The following DAPK1 variants were observed in gnomAD, a reference collection of about 807,000 sequenced individuals.
DAPK1 encodes the protein death-associated protein kinase 1.
DAPK1 carries 56 observed loss-of-function variants against 144.9 expected under a neutral mutation model. That is an observed-to-expected ratio of 0.39 (90% CI 0.31 to 0.48). The LOEUF (loss-of-function observed/expected upper bound fraction) is 0.48. Ranked by LOEUF, DAPK1 falls within the 20% of genes least tolerant of loss-of-function variation. DAPK1 has a pLI of 0.95. For missense variants in DAPK1, 1,454 were observed against 1,875.4 expected, an observed-to-expected ratio of 0.78 and a Z score of 4.15; for synonymous variants, 690 against 749.0, an observed-to-expected ratio of 0.92 and a Z score of 1.29.
At chr9:87,641,244 C>T (rs975652164) in intron 9 of DAPK1, among the ~76,000 whole-genome samples, 14 of 152,184 alleles carry the variant, frequency 9.2e-5, no homozygotes, top group African/African-American at 3.4e-4. Context: ...TCCACGTGGC[C>T]TTGGGAAGTG....
chr9:87,588,352 G>A (rs1828007539), intron 2 of DAPK1, among the ~76,000 whole-genome samples: 1 of 152,228 alleles, frequency 6.6e-6, no homozygotes, highest in African/African-American at 2.4e-5. Context: ...GAGCTGTGAT[G>A]TCTCTTAAGC....
Position 87,634,219 on chromosome 9 carries a change from A to G in DAPK1, c.285-3724A>G, listed in dbSNP as rs555913141. Among the ~76,000 whole-genome samples the G allele has an allele frequency of 8.3e-4, 126 of 152,312 alleles. 1 individual carries two copies. The South Asian group carries it at 0.025, about 30-fold the overall frequency. On this transcript the variant is annotated intron_variant, in intron 3 of 25. Coordinates refer to ENST00000408954, the MANE Select transcript of DAPK1 (RefSeq NM_004938.4). ...ACAGACTGCAAGGCTGGCAAAGCCT[A>G]AAATATTTAGGATCTGCCCTTGATG...
At chr9:87,504,531 C>T (rs1020512343) in intron 2 of DAPK1, among the ~76,000 whole-genome samples, 3 of 152,146 alleles carry the variant, frequency 2.0e-5, no homozygotes, top group Admixed American at 2.0e-4. Flanking sequence ...CCCCCATGCT[C>T]TTTTACCCTC....
intron 2 of DAPK1, among the ~76,000 whole-genome samples, chr9:87,592,773 C>T (rs913786927): frequency 6.6e-5 from 10 of 152,000 alleles, no homozygotes; most frequent in Non-Finnish European, 7.4e-5. Flanking sequence ...CCGGGAGCTC[C>T]GGTTTCTTTT....
intron 2 of DAPK1, among the ~76,000 whole-genome samples, chr9:87,565,386 C>T (rs1200991371): frequency 6.6e-6 from 1 of 152,176 alleles, no homozygotes; most frequent in African/African-American, 2.4e-5. Flanking sequence ...ATGCAGCTCT[C>T]AGGATCAAAA....
intron 2 of DAPK1, among the ~76,000 whole-genome samples, chr9:87,518,480 C>T: frequency 6.6e-6 from 1 of 151,788 alleles, no homozygotes; most frequent in East Asian, 1.9e-4. Flanking sequence ...AACCCTTTGC[C>T]ATCGTCAATC....
At chr9:87,636,444 G>C (rs528836935) in intron 3 of DAPK1, among the ~76,000 whole-genome samples, 14 of 152,326 alleles carry the variant, frequency 9.2e-5, no homozygotes, top group Middle Eastern at 6.8e-3. Flanking sequence ...TTTTTCAGGT[G>C]CTTGTTAAAG....
At chr9:87,648,718 T>G in intron 14 of DAPK1, 63 bp from the exon 15 acceptor site, 1 of 1,450,294 alleles carries the variant, frequency 6.9e-7, no homozygotes, top group Non-Finnish European at 9.7e-7. Context: ...AGGCCTTGGG[T>G]TCTGGTCTCC....
intron 2 of DAPK1, among the ~76,000 whole-genome samples, chr9:87,537,779 T>C (rs1350508154): frequency 6.6e-6 from 1 of 152,274 alleles, no homozygotes; most frequent in East Asian, 1.9e-4. Context: ...GCTGTGAAGT[T>C]AGAAGAAAAT....
At chr9:87,666,815 AGGTTGAACAGT>A (rs150662875) in intron 18 of DAPK1, among the ~76,000 whole-genome samples, 1,816 of 152,136 alleles carry the variant, frequency 0.012, 40 homozygotes, top group African/African-American at 0.041. Flanking sequence ...GACTTTGAAG[AGGTTGAACAGT>A]GGAGAGTTCA....
rs370599083 is a variant in DAPK1 at position 87,650,129 on chromosome 9, G to C, written c.1626+11G>C. On this transcript the variant is annotated intron_variant, in intron 16 of 25. Transcript: ENST00000408954. ...AATGCTTGCGACAAGGTGCCTTATG[G>C]GGGAAGACTCATATGCACTGGGAAG... 5.6e-6 allele frequency: 9 copies of C among 1,613,600 alleles called. No individual in the cohort carries two copies. The highest frequency in any genetic ancestry group is 5.9e-6 in the Non-Finnish European group (7 of 1,179,932).
chr9:87,545,040 C>T (rs1826192344), intron 2 of DAPK1, among the ~76,000 whole-genome samples: 1 of 152,180 alleles, frequency 6.6e-6, no homozygotes, highest in Non-Finnish European at 1.5e-5. Context: ...AGGTTACTTT[C>T]GGAATTTGAT....
Position 87,703,103 on chromosome 9 carries a change from C to T in DAPK1, c.2946C>T (p.Pro982=). Residue 982 remains proline, a synonymous_variant, in exon 25 of 26, where the codon CCC becomes CCT. Transcript: ENST00000408954. ...TLPSWRKLNG[P]NQLMSLQQFV... Reference sequence around the variant, plus strand: ...CTTCCTGGAGGAAGCTCAATGGACCCAACCAGCTGATGTCGCTGCAGCAGT... The same window carrying T: ...CTTCCTGGAGGAAGCTCAATGGACCTAACCAGCTGATGTCGCTGCAGCAGT... 1 of 1,601,056 alleles carries T rather than the reference C, an allele frequency of 6.2e-7. No homozygotes were observed. Among genetic ancestry groups the T allele is most frequent in the Non-Finnish European group, 8.6e-7 (1 of 1,168,036 alleles).
At chr9:87,623,068 A>G (rs1829360090) in intron 3 of DAPK1, among the ~76,000 whole-genome samples, 1 of 152,110 alleles carries the variant, frequency 6.6e-6, no homozygotes, top group Non-Finnish European at 1.5e-5. Context: ...TTGGGTAATC[A>G]CATAAGGGGC....
intron 2 of DAPK1, among the ~76,000 whole-genome samples, chr9:87,508,381 C>G (rs1297204647): frequency 2.7e-5 from 4 of 148,834 alleles, no homozygotes; most frequent in Admixed American, 1.4e-4. Context: ...CTTGCTTTGT[C>G]GCCCAGGCTG....
intron 2 of DAPK1, among the ~76,000 whole-genome samples, chr9:87,557,877 G>A (rs1453581687): frequency 6.6e-6 from 1 of 152,148 alleles, no homozygotes; most frequent in Non-Finnish European, 1.5e-5. Flanking sequence ...GGAGGCGGAG[G>A]TTGCAGTGAG....
At chr9:87,625,761 C>T (rs1431646428) in intron 3 of DAPK1, among the ~76,000 whole-genome samples, 20 of 152,158 alleles carry the variant, frequency 1.3e-4, no homozygotes, top group Admixed American at 1.3e-3. Context: ...TTTAGAAAAT[C>T]CTGATTTCTG....
Position 87,700,228 on chromosome 9 carries a change from G to C in DAPK1, c.2862G>C (p.Gln954His). 6.2e-7 allele frequency: 1 copy of C among 1,611,996 alleles called. No homozygotes were observed. The highest frequency in any genetic ancestry group is 8.5e-7 in the Non-Finnish European group (1 of 1,178,054). The change falls in exon 24 of 26, where the codon CAG becomes CAC. Residue 954 changes from glutamine to histidine, a missense_variant. This residue lies in a region of DAPK1 where 1,025 missense variants were observed against 1,237.9 expected (regional missense o/e 0.83). Transcript: ENST00000408954. ...LRNHLQEIRS[Q>H]IVSVCPPMTH... ...ATCATCTGCAAGAAATACGAAGCCA[G>C]ATTGTTTCGGTAAGTACACCATGGA... is the stretch of plus-strand genomic sequence containing the variant.
At chr9:87,559,318 G>A (rs1826825986) in intron 2 of DAPK1, among the ~76,000 whole-genome samples, 1 of 151,928 alleles carries the variant, frequency 6.6e-6, no homozygotes, top group Non-Finnish European at 1.5e-5. Context: ...GGCTAGGGTA[G>A]GGTAGGGCAG....
Sources: gnomAD v4.1 joint callset for allele counts (sites outside exome capture counted in the v4.1 genomes callset) on GRCh38, gnomAD v4.1.1 for gene constraint, gnomAD v4.1.1 regional missense constraint, MANE v1.5 for transcripts, NCBI Gene and HGNC (gene_info 2026-07-23, HGNC 2026-07-21) for gene names.